Variants in VSTM4 observed in about 807,000 individuals in gnomAD.
VSTM4 encodes V-set and transmembrane domain-containing protein 4.
VSTM4 carries 20 observed loss-of-function variants against 36.4 expected under a neutral mutation model. The observed-to-expected ratio is 0.55, with a 90% CI of 0.39 to 0.80. The LOEUF (loss-of-function observed/expected upper bound fraction) is 0.80, where lower values mean the gene tolerates loss of function less well. Ranked by LOEUF, VSTM4 falls within the 30% of genes least tolerant of loss-of-function variation. VSTM4 has a pLI of 0.00. For synonymous variants in VSTM4, 182 were observed against 173.9 expected, an observed-to-expected ratio of 1.05 and a Z score of -0.37; for missense variants, 392 against 404.5, an observed-to-expected ratio of 0.97 and a Z score of 0.26.
At chr10:49,028,067 A>G (rs1843290212) in intron 7 of VSTM4, among the ~76,000 whole-genome samples, 1 of 152,170 alleles carries the variant, frequency 6.6e-6, no homozygotes, top group South Asian at 2.1e-4. Context: ...ATTGCTCCAC[A>G]TCCTTGTCAG....
intron 3 of VSTM4, among the ~76,000 whole-genome samples, chr10:49,085,234 G>T (rs548015711): frequency 1.3e-5 from 2 of 152,248 alleles, no homozygotes; most frequent in African/African-American, 2.4e-5. Context: ...CACACTTTGG[G>T]AACCACTGTT....
intron 5 of VSTM4, among the ~76,000 whole-genome samples, chr10:49,056,392 G>A (rs1426153286): frequency 1.3e-5 from 2 of 152,240 alleles, no homozygotes; most frequent in African/African-American, 4.8e-5. Context: ...AGGGAGAGGT[G>A]ACTCCTCAGC....
In VSTM4 at chr10:49,018,163, C is replaced by A. The variant is rs1226095121; in HGVS notation, c.*1487G>T. The A allele has an allele frequency of 6.6e-6, 1 of 152,124 alleles. No individual in the cohort carries two copies. The highest frequency in any genetic ancestry group is 6.5e-5 in the Admixed American group (1 of 15,272). 9.4% of individuals were successfully genotyped at this position (152,124 alleles called of 1,614,324 possible). The stretch of plus-strand genomic sequence containing the variant: ...ATTACTGTAGGGCTAAGTTGGTGGA[C>A]AAATATTTGGTTTTTAAAGTTATTG... On this transcript the variant is annotated 3_prime_UTR_variant, in exon 8 of 8. Transcript: ENST00000332853.
At chr10:49,103,887 GC>G (rs753481411) in intron 2 of VSTM4, 5 of 1,608,516 alleles carry the variant, frequency 3.1e-6, no homozygotes, top group Non-Finnish European at 3.4e-6. Flanking sequence ...GGTGACATGA[GC>G]AGGTTAGACA....
chr10:49,048,024 C>T (rs896359417), intron 6 of VSTM4, among the ~76,000 whole-genome samples: 7 of 152,182 alleles, frequency 4.6e-5, no homozygotes, highest in South Asian at 4.1e-4. Flanking sequence ...ACAGGATAGC[C>T]GTCATTTTAT....
chr10:49,107,762 G>A lies in VSTM4; in HGVS notation c.289C>T (p.Arg97Trp), dbSNP rs756063956. 3.4e-5 allele frequency: 55 copies of A among 1,614,112 alleles called. No individual in the cohort carries two copies. Among genetic ancestry groups the A allele is most frequent in the Admixed American group, 5.0e-5 (3 of 60,016 alleles). The change falls in exon 2 of 8, where the codon CGG becomes TGG. Residue 97 changes from arginine to tryptophan, a missense_variant. Transcript: ENST00000332853. ...TGCTCCTCCAGCAGGCGCAGCCTCC[G>A]CCGTTTGGCGCTGCGGCTGAAATTC... is the stretch of plus-strand genomic sequence containing the variant. ...YGNFSRSAKR[R>W]RLRLLEEQRG... is the part of the protein sequence containing the mutation.
chr10:49,049,151 C>G (rs1843659351), intron 5 of VSTM4, among the ~76,000 whole-genome samples: 1 of 152,200 alleles, frequency 6.6e-6, no homozygotes, highest in African/African-American at 2.4e-5. Context: ...TCTTGCTGCA[C>G]CTTTACCTTT....
In VSTM4 at chr10:49,107,541, G is replaced by T. The variant is rs544241093; in HGVS notation, c.457+53C>A. Reference sequence around the variant, plus strand: ...CCCTGGGTGGTGGCTGCAAAGGGGGGCCTACTGGCCTGCCCCACCACCACC... The same window carrying T: ...CCCTGGGTGGTGGCTGCAAAGGGGGTCCTACTGGCCTGCCCCACCACCACC... On this transcript the variant is annotated intron_variant, in intron 2 of 7. Coordinates refer to ENST00000332853, the MANE Select transcript of VSTM4 (RefSeq NM_001031746.5). 384 of 1,537,672 alleles carry T rather than the reference G, an allele frequency of 2.5e-4. 1 individual carries two copies. The East Asian group carries it at 8.0e-3, about 32-fold the overall frequency.
chr10:49,073,647 C>T (rs958956493), intron 4 of VSTM4, among the ~76,000 whole-genome samples: 2 of 152,192 alleles, frequency 1.3e-5, no homozygotes, highest in Non-Finnish European at 2.9e-5. Flanking sequence ...CTTCCCCCAA[C>T]CACAGGACAA....
intron 7 of VSTM4, among the ~76,000 whole-genome samples, chr10:49,034,218 TATCACC>T (rs1843393130): frequency 6.7e-6 from 1 of 149,790 alleles, no homozygotes; most frequent in African/African-American, 2.5e-5. Flanking sequence ...TCACCATCAC[TATCACC>T]ATCATCATTA....
At chr10:49,049,227 T>C (rs1843660784) in intron 5 of VSTM4, among the ~76,000 whole-genome samples, 1 of 152,228 alleles carries the variant, frequency 6.6e-6, no homozygotes, top group Admixed American at 6.5e-5. Context: ...TGACCCTGTG[T>C]AATTACTGCA....
intron 7 of VSTM4, among the ~76,000 whole-genome samples, chr10:49,025,646 T>C (rs1843249120): frequency 6.6e-6 from 1 of 152,220 alleles, no homozygotes; most frequent in South Asian, 2.1e-4. Context: ...CTGACTGGTA[T>C]GAAGGGCACC....
intron 7 of VSTM4, among the ~76,000 whole-genome samples, chr10:49,027,869 A>G (rs1843287156): frequency 6.6e-6 from 1 of 152,164 alleles, no homozygotes; most frequent in Non-Finnish European, 1.5e-5. Context: ...CCAAGTTTTT[A>G]GTGGTTATAG....
intron 5 of VSTM4, among the ~76,000 whole-genome samples, chr10:49,060,636 G>C (rs1263628650): frequency 2.6e-5 from 4 of 152,116 alleles, no homozygotes; most frequent in Admixed American, 2.0e-4. Context: ...CAAATATGGG[G>C]CTTACTTATC....
intron 7 of VSTM4, among the ~76,000 whole-genome samples, chr10:49,043,027 G>A (rs751382110): frequency 6.6e-6 from 1 of 152,162 alleles, no homozygotes; most frequent in Non-Finnish European, 1.5e-5. Context: ...TTAAGGATTA[G>A]CAAGGAGGCC....
chr10:49,029,279 T>A (rs1031451709), intron 7 of VSTM4, among the ~76,000 whole-genome samples: 1 of 152,226 alleles, frequency 6.6e-6, no homozygotes, highest in Non-Finnish European at 1.5e-5. Flanking sequence ...GAAAAGAGAA[T>A]ATAGAGTTCT....
At position 49,018,173 on chromosome 10, in the gene VSTM4, GT is replaced by G. The variant is rs1358897602; in HGVS notation, c.*1476del. ...GGCTAAGTTGGTGGACAAATATTTGGTTTTTAAAGTTATTGCAATGAAAGCC... is the reference window on the plus strand; with the variant it reads ...GGCTAAGTTGGTGGACAAATATTTGGTTTTAAAGTTATTGCAATGAAAGCC... On this transcript the variant is annotated 3_prime_UTR_variant, in exon 8 of 8. Transcript: ENST00000332853. 6.6e-6 allele frequency: 1 copy of G among 152,190 alleles called. No homozygotes were observed. Among genetic ancestry groups the G allele is most frequent in the Non-Finnish European group, 1.5e-5 (1 of 68,032 alleles). The allele number at this position is 152,190 out of a possible 1,614,324, so 9.4% of individuals were successfully genotyped here. A position where few individuals can be genotyped will look rare whatever the true frequency, so the allele number is the denominator to read the frequency against.
At chr10:49,103,563 A>T in intron 2 of VSTM4, 1 of 1,379,678 alleles carries the variant, frequency 7.2e-7, no homozygotes, top group South Asian at 1.9e-5. Context: ...CAGGACAGAT[A>T]ATAAGAGCCA....
At chr10:49,099,751 G>T (rs1486868707) in intron 2 of VSTM4, among the ~76,000 whole-genome samples, 1 of 152,164 alleles carries the variant, frequency 6.6e-6, no homozygotes, top group African/African-American at 2.4e-5. Flanking sequence ...AGTTCATCTG[G>T]CATGAGATTC....
Sources: allele counts gnomAD v4.1 joint callset (sites outside exome capture counted in the v4.1 genomes callset), GRCh38; gene constraint gnomAD v4.1.1; transcripts MANE v1.5; gene names NCBI Gene and HGNC (gene_info 2026-07-23, HGNC 2026-07-21).